FCHSD2: variants seen among roughly 807,000 people sequenced by gnomAD.
The protein encoded by FCHSD2 is F-BAR and double SH3 domains protein 2.
In FCHSD2, 38 loss-of-function variants were observed where a neutral mutation model predicts 108.1. The observed-to-expected ratio is 0.35, with a 90% CI of 0.27 to 0.46. FCHSD2 has a LOEUF of 0.46. Ranked by LOEUF, FCHSD2 falls within the 20% of genes least tolerant of loss-of-function variation. The pLI is 1.00. For missense variants in FCHSD2, 751 were observed against 897.8 expected, an observed-to-expected ratio of 0.84 and a Z score of 2.09; for synonymous variants, 279 against 314.7, an observed-to-expected ratio of 0.89 and a Z score of 1.20.
chr11:72,899,175 A>T (rs1193833691), intron 10 of FCHSD2, among the ~76,000 whole-genome samples: 1 of 152,208 alleles, frequency 6.6e-6, no homozygotes, highest in Non-Finnish European at 1.5e-5. Flanking sequence ...GCACGAAATA[A>T]ATGTTCAATG....
intron 3 of FCHSD2, among the ~76,000 whole-genome samples, chr11:73,022,416 G>A (rs1565371914): frequency 6.6e-6 from 1 of 152,154 alleles, no homozygotes; most frequent in South Asian, 2.1e-4. Context: ...GTTTAGCAAA[G>A]TTGCACAATA....
intron 5 of FCHSD2, among the ~76,000 whole-genome samples, chr11:72,989,346 C>A (rs1210065212): frequency 6.6e-6 from 1 of 152,176 alleles, no homozygotes; most frequent in African/African-American, 2.4e-5. Flanking sequence ...AACCCGAGTG[C>A]TGCTGATGAC....
At position 72,867,869 on chromosome 11, in the gene FCHSD2, T is replaced by C; in HGVS notation, c.1304A>G (p.His435Arg). ...ATCCAAGAAAAGAAATCGTACCGAG[T>C]GTAAAGTGCCATTACTGGTCACTGC... ...PPAVTSNGTL[H>R]SLNADTEREE... The change falls in exon 13 of 20, where the codon CAC (histidine) becomes CGC (arginine). Residue 435 changes from histidine to arginine, a missense_variant. Coordinates refer to ENST00000409418, the MANE Select transcript of FCHSD2 (RefSeq NM_014824.3). 6.2e-7 allele frequency: 1 copy of C among 1,611,518 alleles called. No individual in the cohort carries two copies. The highest frequency in any genetic ancestry group is 1.3e-5 in the African/African-American group (1 of 74,978).
intron 12 of FCHSD2, among the ~76,000 whole-genome samples, chr11:72,869,353 T>C (rs10793048): frequency 0.65 from 98,955 of 151,190 alleles, 34,144 homozygotes; most frequent in South Asian, 0.84. Context: ...CTGGCACAGA[T>C]GCTAATTTTT....
chr11:73,109,997 T>G (rs1005741668), intron 2 of FCHSD2, among the ~76,000 whole-genome samples: 2 of 152,214 alleles, frequency 1.3e-5, no homozygotes, highest in African/African-American at 4.8e-5. Flanking sequence ...ACTGACTGAT[T>G]TGCATATGTT....
intron 2 of FCHSD2, among the ~76,000 whole-genome samples, chr11:73,085,093 A>G (rs1017699059): frequency 1.3e-5 from 2 of 152,230 alleles, no homozygotes; most frequent in Middle Eastern, 3.2e-3. Context: ...AGATCTTACT[A>G]TATTTGTTTT....
At chr11:72,985,170 T>C (rs1435121528) in intron 6 of FCHSD2, 54 bp from the exon 7 acceptor site, 4 of 438,716 alleles carry the variant, frequency 9.1e-6, no homozygotes, top group South Asian at 8.7e-5. Context: ...TATATCACAA[T>C]AAAATTACTA....
At chr11:72,993,116 C>T (rs1393828846) in intron 5 of FCHSD2, among the ~76,000 whole-genome samples, 1 of 152,120 alleles carries the variant, frequency 6.6e-6, no homozygotes, top group African/African-American at 2.4e-5. Context: ...ACAGACACTT[C>T]TCAAAAGAAG....
At chr11:73,060,965 C>T (rs972193983) in intron 3 of FCHSD2, among the ~76,000 whole-genome samples, 1 of 152,186 alleles carries the variant, frequency 6.6e-6, no homozygotes, top group Non-Finnish European at 1.5e-5. Flanking sequence ...GGAACAAGAA[C>T]TTATATAGAA....
intron 9 of FCHSD2, among the ~76,000 whole-genome samples, chr11:72,917,425 A>T (rs1414298139): frequency 6.6e-6 from 1 of 152,174 alleles, no homozygotes; most frequent in Non-Finnish European, 1.5e-5. Context: ...CTGAACTCTC[A>T]ATTCTGTTTC....
intron 8 of FCHSD2, among the ~76,000 whole-genome samples, chr11:72,927,220 C>A (rs1019382136): frequency 3.9e-5 from 6 of 152,192 alleles, no homozygotes; most frequent in Non-Finnish European, 7.3e-5. Flanking sequence ...ATGTTCTCAA[C>A]TTTAAGCATG....
At chr11:73,054,992 T>C (rs1437280133) in intron 3 of FCHSD2, among the ~76,000 whole-genome samples, 2 of 152,074 alleles carry the variant, frequency 1.3e-5, no homozygotes, top group Non-Finnish European at 2.9e-5. Flanking sequence ...AGAGGTTTAA[T>C]GGACTGTGGT....
At chr11:72,940,944 A>G (rs566029766) in intron 8 of FCHSD2, 58 of 773,202 alleles carry the variant, frequency 7.5e-5, no homozygotes, top group African/African-American at 6.7e-4. Context: ...CTGACACCCA[A>G]TGGATCACCA....
chr11:72,876,855 T>C (rs536882780), intron 12 of FCHSD2, among the ~76,000 whole-genome samples: 3 of 152,214 alleles, frequency 2.0e-5, no homozygotes, highest in South Asian at 4.1e-4. Context: ...TATTATTATA[T>C]ATACGTCCAG....
intron 2 of FCHSD2, among the ~76,000 whole-genome samples, chr11:73,127,363 A>G (rs1565103247): frequency 6.6e-6 from 1 of 152,232 alleles, no homozygotes; most frequent in Non-Finnish European, 1.5e-5. Flanking sequence ...GAAATTAACA[A>G]AAATACCAGC....
chr11:73,100,039 C>T (rs1177769813), intron 2 of FCHSD2, among the ~76,000 whole-genome samples: 2 of 152,186 alleles, frequency 1.3e-5, no homozygotes, highest in Non-Finnish European at 2.9e-5. Context: ...TGACGCACCC[C>T]GGAAGGCGTG....
Position 72,842,853 on chromosome 11 carries a change from G to A in FCHSD2, c.1706-12C>T, listed in dbSNP as rs751768510. ...TTTCACAAAACATACTAGGGAGCAAGAGAAAAACAAATCTGGTAAGATAAT... is the reference window on the plus strand; with the variant it reads ...TTTCACAAAACATACTAGGGAGCAAAAGAAAAACAAATCTGGTAAGATAAT... On this transcript the variant is annotated splice_polypyrimidine_tract_variant and intron_variant, in intron 16 of 19. Coordinates refer to ENST00000409418, the MANE Select transcript of FCHSD2 (RefSeq NM_014824.3). 1 of 1,603,628 alleles carries A rather than the reference G, an allele frequency of 6.2e-7. No individual in the cohort carries two copies. Among genetic ancestry groups the A allele is most frequent in the Non-Finnish European group, 8.5e-7 (1 of 1,171,492 alleles).
intron 3 of FCHSD2, among the ~76,000 whole-genome samples, chr11:73,073,828 C>A (rs1324928242): frequency 6.6e-6 from 1 of 151,992 alleles, no homozygotes; most frequent in East Asian, 1.9e-4. Flanking sequence ...TGTACATGTG[C>A]AAGGATTTTT....
intron 12 of FCHSD2, among the ~76,000 whole-genome samples, chr11:72,884,474 A>AAT (rs979355958): frequency 6.7e-4 from 101 of 149,806 alleles, no homozygotes; most frequent in Non-Finnish European, 1.3e-3. Context: ...TGTGATTAGA[A>AAT]ATATATATAT....
Sources: gnomAD v4.1 joint callset for allele counts (sites outside exome capture counted in the v4.1 genomes callset) on GRCh38, gnomAD v4.1.1 for gene constraint, MANE v1.5 for transcripts, NCBI Gene and HGNC (gene_info 2026-07-23, HGNC 2026-07-21) for gene names.